The following NTRK1 variants were observed in gnomAD, a reference collection of about 807,000 sequenced individuals.
NTRK1 encodes neurotrophic receptor tyrosine kinase 1.
NTRK1 carries 62 observed loss-of-function variants against 86.8 expected under a neutral mutation model. The ratio of observed to expected loss-of-function variants is 0.71; its 90% confidence interval spans 0.58 to 0.88. NTRK1 has a LOEUF of 0.88. Among genes scored for constraint, NTRK1 ranks in the 40% least tolerant of loss-of-function variants. NTRK1 has a pLI of 0.00. For missense variants in NTRK1, 967 were observed against 1,078.4 expected, an observed-to-expected ratio of 0.90 and a Z score of 1.45; for synonymous variants, 469 against 456.6, an observed-to-expected ratio of 1.03 and a Z score of -0.35.
chr1:156,815,955 TG>T, intron 1 of NTRK1: 1 of 1,561,868 alleles, frequency 6.4e-7, no homozygotes. Context: ...CATGGGAGGG[TG>T]GGAGAGATGA....
chr1:156,845,450 G>C, intron 2 of NTRK1: 1 of 1,527,312 alleles, frequency 6.5e-7, no homozygotes, highest in Non-Finnish European at 8.8e-7. Flanking sequence ...AGGCCTGTCC[G>C]GATGCACCCC....
chr1:156,873,520 G>A (rs1350762459), intron 7 of NTRK1, 113 bp from the exon 8 acceptor site: 3 of 828,658 alleles, frequency 3.6e-6, no homozygotes, highest in Non-Finnish European at 6.0e-6. Context: ...TTTCTCCCAG[G>A]CCTGCCCTTT....
At chr1:156,868,477 T>C (rs768158311) in intron 5 of NTRK1, 28 bp from the exon 6 acceptor site, 13 of 1,552,586 alleles carry the variant, frequency 8.4e-6, no homozygotes, top group Non-Finnish European at 1.1e-5. Context: ...CTAACACCCC[T>C]TGGCCCTCGG....
chr1:156,845,893 G>T, intron 2 of NTRK1: 2 of 1,597,742 alleles, frequency 1.3e-6, no homozygotes, highest in African/African-American at 2.7e-5. Flanking sequence ...GGGGCCCTGC[G>T]CCTCCATCTC....
At chr1:156,828,732 C>T (rs1283167294) in intron 1 of NTRK1, among the ~76,000 whole-genome samples, 1 of 152,208 alleles carries the variant, frequency 6.6e-6, no homozygotes, top group Non-Finnish European at 1.5e-5. Flanking sequence ...TGAGTCTCTG[C>T]TCCACCACCA....
At chr1:156,853,543 C>G (rs1156382994) in intron 2 of NTRK1, among the ~76,000 whole-genome samples, 1 of 152,230 alleles carries the variant, frequency 6.6e-6, no homozygotes, top group Admixed American at 6.5e-5. Context: ...TTCCATGATG[C>G]CGCCTTGGGC....
Position 156,860,920 on chromosome 1 carries a change from G to T in NTRK1, c.-15G>T. 1.4e-6 allele frequency: 2 copies of T among 1,434,578 alleles called. No homozygotes were observed. Among genetic ancestry groups the T allele is most frequent in the Non-Finnish European group, 1.8e-6 (2 of 1,105,086 alleles). The allele number at this position is 1,434,578 out of a possible 1,614,324, so 88.9% of individuals were successfully genotyped here. A position where few individuals can be genotyped will look rare whatever the true frequency, so the allele number is the denominator to read the frequency against. On this transcript the variant is annotated 5_prime_UTR_variant, in exon 1 of 17. Transcript: ENST00000524377. ...CAGACGGCTGCCCCGCCTGAGCGAG[G>T]CGGGCGCCGCCGCGATGCTGCGAGG... is the stretch of plus-strand genomic sequence containing the variant.
intron 1 of NTRK1, among the ~76,000 whole-genome samples, chr1:156,820,155 G>A (rs2102832141): frequency 6.6e-6 from 1 of 152,270 alleles, no homozygotes; most frequent in East Asian, 1.9e-4. Flanking sequence ...TTTGTATAAG[G>A]AGAGAGATGG....
intron 7 of NTRK1, among the ~76,000 whole-genome samples, chr1:156,872,185 A>G (rs543451218): frequency 6.6e-6 from 1 of 152,266 alleles, no homozygotes; most frequent in Non-Finnish European, 1.5e-5. Context: ...TCTACTTTAC[A>G]TCAGTTTTCT....
chr1:156,866,366 G>C (rs4661231), intron 3 of NTRK1, among the ~76,000 whole-genome samples: 1 of 152,210 alleles, frequency 6.6e-6, no homozygotes, highest in Non-Finnish European at 1.5e-5. Context: ...CAACGAGGGG[G>C]CTGGGGGTGT....
intron 5 of NTRK1, 80 bp from the exon 6 acceptor site, chr1:156,868,425 A>C (rs1647305042): frequency 6.5e-7 from 1 of 1,544,038 alleles, no homozygotes; most frequent in Non-Finnish European, 8.7e-7. Context: ...AGGGTGGGGG[A>C]AGGAGCAGCC....
chr1:156,878,766 G>T lies in NTRK1; in HGVS notation c.1806-356G>T, dbSNP rs114751582. Reference sequence around the variant, plus strand: ...TGGGTGGGAAGGGTCCCTTCCCTGAGGCAGGGGCAGGCTTGGGGAAAGACA... The same window carrying T: ...TGGGTGGGAAGGGTCCCTTCCCTGATGCAGGGGCAGGCTTGGGGAAAGACA... On this transcript the variant is annotated intron_variant, in intron 14 of 16. Transcript: ENST00000524377. 4.2e-3 allele frequency among the ~76,000 whole-genome samples: 639 copies of T among 152,320 alleles called. 4 individuals carry two copies. Among genetic ancestry groups the T allele is most frequent in the African/African-American group, 0.015 (611 of 41,566 alleles).
At chr1:156,846,724 T>C (rs1655026420) in intron 2 of NTRK1, 3 of 1,613,994 alleles carry the variant, frequency 1.9e-6, no homozygotes, top group African/African-American at 1.3e-5. Flanking sequence ...CACAAGCATC[T>C]GGACCCACGT....
chr1:156,874,014 G>A (rs2102906814), intron 8 of NTRK1, 55 bp downstream of exon 8: 1 of 1,516,672 alleles, frequency 6.6e-7, no homozygotes, highest in Non-Finnish European at 9.0e-7. Context: ...CTGGGTTACA[G>A]CCAACTTCCT....
upstream of NTRK1, among the ~76,000 whole-genome samples, chr1:156,856,406 T>C (rs2102872784): frequency 6.6e-6 from 1 of 152,334 alleles, no homozygotes; most frequent in Admixed American, 6.5e-5. Context: ...CTGAATTAAT[T>C]TGATTACTCT....
At chr1:156,828,903 G>A (rs1450475583) in intron 1 of NTRK1, among the ~76,000 whole-genome samples, 4 of 152,168 alleles carry the variant, frequency 2.6e-5, no homozygotes, top group Non-Finnish European at 5.9e-5. Flanking sequence ...CTGTCAGGCC[G>A]GAATTATTAT....
upstream of NTRK1, chr1:156,858,740 G>C: frequency 1.3e-6 from 1 of 795,190 alleles, no homozygotes; most frequent in Non-Finnish European, 2.2e-6. Flanking sequence ...GGAGGGCAGG[G>C]GCAGAGAGAC....
At chr1:156,865,681 G>A (rs571476939) in intron 3 of NTRK1, among the ~76,000 whole-genome samples, 2 of 152,278 alleles carry the variant, frequency 1.3e-5, no homozygotes, top group South Asian at 2.1e-4. Flanking sequence ...TGGGAATTGG[G>A]GACCCCTGCT....
intron 11 of NTRK1, 150 bp from the exon 12 acceptor site, chr1:156,875,370 C>T (rs2102914301): frequency 2.8e-6 from 3 of 1,064,434 alleles, no homozygotes; most frequent in East Asian, 2.4e-5. Context: ...GCGGTGGTGC[C>T]CCCTTCCCCC....
Sources: gnomAD v4.1 joint callset for allele counts (sites outside exome capture counted in the v4.1 genomes callset) on GRCh38, gnomAD v4.1.1 for gene constraint, MANE v1.5 for transcripts, NCBI Gene and HGNC (gene_info 2026-07-23, HGNC 2026-07-21) for gene names.